AUTS2: variants seen among roughly 807,000 people sequenced by gnomAD.
AUTS2 encodes activator of transcription and developmental regulator AUTS2.
A neutral mutation model predicts 112.4 loss-of-function variants in AUTS2; 17 were observed. The ratio of observed to expected loss-of-function variants is 0.15; its 90% CI spans 0.10 to 0.23. The LOEUF (loss-of-function observed/expected upper bound fraction) is 0.23, where lower values mean the gene tolerates loss of function less well. Among genes scored for constraint, AUTS2 ranks in the 10% least tolerant of loss-of-function variants. The pLI is 1.00. For missense variants in AUTS2, 1,510 were observed against 1,701.6 expected, an observed-to-expected ratio of 0.89 and a Z score of 1.98; for synonymous variants, 751 against 702.7, an observed-to-expected ratio of 1.07 and a Z score of -1.09.
chr7:69,746,748 A>G (rs1787513625), intron 1 of AUTS2, among the ~76,000 whole-genome samples: 1 of 152,140 alleles, frequency 6.6e-6, no homozygotes, highest in Non-Finnish European at 1.5e-5. Context: ...TGTAGGTACT[A>G]TAAGGACTTT....
In AUTS2 at chr7:70,766,369, G is replaced by C. The variant is rs1263526472; in HGVS notation, c.1689+35G>C. 1 of 1,609,566 alleles carries C rather than the reference G, an allele frequency of 6.2e-7. No homozygotes were observed. ...CCAGGCAGAAATGTGAGGATAAGTAGAGCACGACTCTTTTCTTTATGCAGC... is the reference window on the plus strand; with the variant it reads ...CCAGGCAGAAATGTGAGGATAAGTACAGCACGACTCTTTTCTTTATGCAGC... On this transcript the variant is annotated intron_variant, in intron 9 of 18. Transcript: ENST00000342771. The surrounding 1 kb of genome is among the most constrained non-coding windows in gnomAD (Gnocchi z 4.8).
chr7:69,683,914 C>T (rs1796936813), intron 1 of AUTS2, among the ~76,000 whole-genome samples: 1 of 151,924 alleles, frequency 6.6e-6, no homozygotes, highest in Non-Finnish European at 1.5e-5. Context: ...GACTCCGTGT[C>T]AAAAAACAAA....
intron 4 of AUTS2, among the ~76,000 whole-genome samples, chr7:70,376,667 A>T (rs1171521252): frequency 1.3e-5 from 2 of 150,404 alleles, no homozygotes; most frequent in African/African-American, 4.9e-5. Flanking sequence ...TTCCAGTGGA[A>T]GGCCTGCAGG....
At chr7:70,382,285 T>A (rs1793402678) in intron 4 of AUTS2, among the ~76,000 whole-genome samples, 1 of 152,130 alleles carries the variant, frequency 6.6e-6, no homozygotes, top group South Asian at 2.1e-4. Context: ...AATCTCCATG[T>A]TTCCTCACTT....
intron 4 of AUTS2, among the ~76,000 whole-genome samples, chr7:70,216,693 C>T (rs550130766): frequency 1.1e-4 from 16 of 152,326 alleles, no homozygotes; most frequent in African/African-American, 3.4e-4. Flanking sequence ...ACATTCTACA[C>T]TGGCTTCCGG....
At chr7:69,734,645 G>GTT (rs34366291) in intron 1 of AUTS2, among the ~76,000 whole-genome samples, 57 of 148,608 alleles carry the variant, frequency 3.8e-4, no homozygotes, top group Middle Eastern at 3.4e-3. Flanking sequence ...TGCTTGTTGG[G>GTT]TTTTTTTTTT....
At chr7:70,485,411 G>T (rs1367737126) in intron 5 of AUTS2, among the ~76,000 whole-genome samples, 1 of 152,108 alleles carries the variant, frequency 6.6e-6, no homozygotes, top group Non-Finnish European at 1.5e-5. Flanking sequence ...ATAAGTGGGA[G>T]CTAAGCTATG....
At chr7:70,172,987 T>G (rs1320455545) in intron 4 of AUTS2, among the ~76,000 whole-genome samples, 1 of 152,200 alleles carries the variant, frequency 6.6e-6, no homozygotes, top group Non-Finnish European at 1.5e-5. Flanking sequence ...TGGTTGAGGA[T>G]TCACTGGCCT....
intron 2 of AUTS2, among the ~76,000 whole-genome samples, chr7:70,050,988 C>CT (rs1184324159): frequency 6.6e-6 from 1 of 152,130 alleles, no homozygotes; most frequent in African/African-American, 2.4e-5. Context: ...GAGCGAGACT[C>CT]TGTCTCCATC....
Position 70,764,942 on chromosome 7 carries a change from C to T in AUTS2, c.1405C>T (p.Pro469Ser), listed in dbSNP as rs1183920669. The T allele has an allele frequency of 2.5e-6, 4 of 1,612,958 alleles. No homozygotes were observed. Among genetic ancestry groups the T allele is most frequent in the African/African-American group, 1.3e-5 (1 of 74,550 alleles). ...TGCCCCTCCCACTGCTCTGCCTCCT[C>T]CACCACCACTGACATCAGGAAGTCT... is the stretch of plus-strand genomic sequence containing the variant. ...MFAPPTALPP[P>S]PPLTSGSLQV... is the part of the protein sequence containing the mutation. The change falls in exon 8 of 19, where the codon CCA becomes TCA. Residue 469 changes from proline to serine, a missense_variant. Pro to Ser is a moderately conservative substitution (Grantham distance 74). Coordinates refer to ENST00000342771, the MANE Select transcript of AUTS2 (RefSeq NM_015570.4).
intron 4 of AUTS2, among the ~76,000 whole-genome samples, chr7:70,198,485 G>A (rs1471705824): frequency 6.1e-5 from 9 of 146,386 alleles, no homozygotes; most frequent in Non-Finnish European, 1.2e-4. Context: ...CCAATACAGA[G>A]AAGTGCTTAA....
intron 1 of AUTS2, among the ~76,000 whole-genome samples, chr7:69,696,775 G>T (rs1231998995): frequency 6.6e-6 from 1 of 151,994 alleles, no homozygotes; most frequent in Non-Finnish European, 1.5e-5. Context: ...TTTTTTTCTA[G>T]TGTCTCAGCT....
At chr7:69,611,878 C>G (rs1448966735) in intron 1 of AUTS2, among the ~76,000 whole-genome samples, 1 of 133,812 alleles carries the variant, frequency 7.5e-6, no homozygotes, top group African/African-American at 2.9e-5. Context: ...TGCAGTGAGC[C>G]GAGATTGCGC....
At chr7:69,939,301 T>G (rs546300096) in intron 2 of AUTS2, among the ~76,000 whole-genome samples, 1 of 152,324 alleles carries the variant, frequency 6.6e-6, no homozygotes, top group African/African-American at 2.4e-5. Context: ...ATAGAAATAT[T>G]TTAAAGGAGC....
chr7:70,353,417 C>T (rs1299749115), intron 4 of AUTS2, among the ~76,000 whole-genome samples: 1 of 152,062 alleles, frequency 6.6e-6, no homozygotes, highest in African/African-American at 2.4e-5. Context: ...GGTTTCACTG[C>T]ATTTTACTCA....
At chr7:70,270,573 C>A (rs919350646) in intron 4 of AUTS2, among the ~76,000 whole-genome samples, 2 of 152,002 alleles carry the variant, frequency 1.3e-5, no homozygotes, top group African/African-American at 2.4e-5. Context: ...GCATGCAGGA[C>A]CCTTTGAAAG....
At chr7:70,120,779 G>A (rs999760107) in intron 3 of AUTS2, among the ~76,000 whole-genome samples, 1 of 152,132 alleles carries the variant, frequency 6.6e-6, no homozygotes, top group Non-Finnish European at 1.5e-5. Flanking sequence ...ACTACCCTAA[G>A]CTATTTATAG....
intron 2 of AUTS2, among the ~76,000 whole-genome samples, chr7:70,116,598 C>G (rs1460984661): frequency 2.0e-5 from 3 of 152,188 alleles, no homozygotes; most frequent in African/African-American, 7.2e-5. Context: ...GCACCCAGCT[C>G]TAATGTTTCT....
At chr7:70,465,622 C>G (rs966752111) in intron 5 of AUTS2, among the ~76,000 whole-genome samples, 2 of 152,110 alleles carry the variant, frequency 1.3e-5, no homozygotes, top group Admixed American at 1.3e-4. Flanking sequence ...TCCTCTGCCT[C>G]GTATTCCATG....
Sources: gnomAD v4.1 joint callset for allele counts (sites outside exome capture counted in the v4.1 genomes callset) on GRCh38, gnomAD v4.1.1 for gene constraint, Gnocchi (gnomAD v3.1) non-coding constraint, MANE v1.5 for transcripts, NCBI Gene and HGNC (gene_info 2026-07-23, HGNC 2026-07-21) for gene names.